TBX21: variants seen among roughly 807,000 people sequenced by gnomAD.
The protein encoded by TBX21 is T-box transcription factor 21.
In TBX21, 11 loss-of-function variants were observed where a neutral mutation model predicts 52.2. The ratio of observed to expected loss-of-function variants is 0.21; its 90% CI spans 0.13 to 0.35. The LOEUF is 0.35. Ranked by LOEUF, TBX21 falls within the 10% of genes least tolerant of loss-of-function variation. TBX21 has a pLI of 1.00. For synonymous variants in TBX21, 300 were observed against 316.1 expected, an observed-to-expected ratio of 0.95 and a Z score of 0.54; for missense variants, 625 against 755.1, an observed-to-expected ratio of 0.83 and a Z score of 2.02.
chr17:47,736,177 C>A (rs924924240), intron 1 of TBX21, among the ~76,000 whole-genome samples: 7 of 152,178 alleles, frequency 4.6e-5, no homozygotes, highest in African/African-American at 1.7e-4. Flanking sequence ...CATACACTTA[C>A]ATTTTTTTAT....
At chr17:47,741,592 ACT>A (rs2143432419) in intron 1 of TBX21, among the ~76,000 whole-genome samples, 1 of 152,228 alleles carries the variant, frequency 6.6e-6, no homozygotes, top group African/African-American at 2.4e-5. Context: ...CTGAGGGCAG[ACT>A]ATACCGCAGG....
intron 1 of TBX21, among the ~76,000 whole-genome samples, chr17:47,740,260 G>A (rs2032253762): frequency 6.6e-6 from 1 of 151,898 alleles, no homozygotes; most frequent in Admixed American, 6.5e-5. Flanking sequence ...TAAATATGGG[G>A]TTTCACTATG....
rs199516920 is a variant in TBX21 at position 47,743,064 on chromosome 17, T to C, written c.647-7T>C. 45 of 1,614,036 alleles carry C rather than the reference T, an allele frequency of 2.8e-5. No homozygotes were observed. The Admixed American group carries it at 6.2e-4, about 22-fold the overall frequency. On this transcript the variant is annotated splice_region_variant and splice_polypyrimidine_tract_variant and intron_variant, in intron 2 of 5. Coordinates refer to ENST00000177694, the MANE Select transcript of TBX21 (RefSeq NM_013351.2). ...GGCTGCATGTCAAAGAGGTGAACTG[T>C]CCACAGGAAACCGCCTGTACGTCCA...
intron 1 of TBX21, among the ~76,000 whole-genome samples, chr17:47,737,145 C>T (rs1597982876): frequency 6.6e-6 from 1 of 152,112 alleles, no homozygotes; most frequent in African/African-American, 2.4e-5. Context: ...TTGGTGTCTA[C>T]GTTTGTGTCT....
chr17:47,745,989 G>A lies in TBX21; in HGVS notation c.*623G>A, dbSNP rs964700140. The A allele has an allele frequency of 1.3e-5, 2 of 152,156 alleles. No individual in the cohort carries two copies. The highest frequency in any genetic ancestry group is 1.3e-4 in the Admixed American group (2 of 15,268). The allele number at this position is 152,156 out of a possible 1,614,324, so 9.4% of individuals were successfully genotyped here. ...GATATTGTTTGTGGTGGTTGTGTGTGGGTGTGTGTTTTTTCTTTTTCTTTC... is the reference window on the plus strand; with the variant it reads ...GATATTGTTTGTGGTGGTTGTGTGTAGGTGTGTGTTTTTTCTTTTTCTTTC... On this transcript the variant is annotated 3_prime_UTR_variant, in exon 6 of 6. Transcript: ENST00000177694.
rs963119059 is a variant in TBX21, at chr17:47,742,327, C to T, written c.492-283C>T. On this transcript the variant is annotated intron_variant, in intron 1 of 5. Transcript: ENST00000177694. This position sits in a 1 kb window ranked among gnomAD's most constrained non-coding sequence, Gnocchi z 4.4. ...GAACTCCTGACCTCAGGTGATCCGC[C>T]CGCCTTGGCCTCTCAAAGTGCTGGG... is the stretch of plus-strand genomic sequence containing the variant. 6.6e-6 allele frequency among the ~76,000 whole-genome samples: 1 copy of T among 152,170 alleles called. No individual in the cohort carries two copies. Among genetic ancestry groups the T allele is most frequent in the Non-Finnish European group, 1.5e-5 (1 of 68,032 alleles).
chr17:47,745,427 T>C lies in TBX21; in HGVS notation c.*61T>C, dbSNP rs1396382025. The stretch of plus-strand genomic sequence containing the variant: ...ATTAGGTTGGAGGACACCGACTAAT[T>C]TGGGAAACGGATGAAGGACTGAGAA... On this transcript the variant is annotated 3_prime_UTR_variant, in exon 6 of 6. Transcript: ENST00000177694. 3 of 1,521,120 alleles carry C rather than the reference T, an allele frequency of 2.0e-6. No homozygotes were observed. The highest frequency in any genetic ancestry group is 4.5e-5 in the East Asian group (2 of 44,182). The allele number at this position is 1,521,120 out of a possible 1,614,324, so 94.2% of individuals were successfully genotyped here.
Position 47,742,909 on chromosome 17 carries a change from C to A in TBX21, c.646+145C>A. The A allele has an allele frequency of 1.3e-6, 2 of 1,487,914 alleles. No homozygotes were observed. The highest frequency in any genetic ancestry group is 1.8e-6 in the Non-Finnish European group (2 of 1,116,532). 92.2% of individuals were successfully genotyped at this position (1,487,914 alleles called of 1,614,324 possible). On this transcript the variant is annotated intron_variant, in intron 2 of 5. Coordinates refer to ENST00000177694, the MANE Select transcript of TBX21 (RefSeq NM_013351.2). The surrounding 1 kb of genome is among the most constrained non-coding windows in gnomAD (Gnocchi z 4.4). ...GCCATTGCATCCCTCCTGTTTCTGG[C>A]TTCCTGCTTTGCTCTAGCCTGTCCT...
intron 1 of TBX21, among the ~76,000 whole-genome samples, chr17:47,734,592 T>TGTGTGG (rs2032184187): frequency 7.1e-6 from 1 of 140,808 alleles, no homozygotes; most frequent in Non-Finnish European, 1.6e-5. Context: ...TGTGTGTGTG[T>TGTGTGG]GTGTGTGTGT....
chr17:47,736,463 C>T (rs1251761400), intron 1 of TBX21, among the ~76,000 whole-genome samples: 1 of 152,172 alleles, frequency 6.6e-6, no homozygotes, highest in Non-Finnish European at 1.5e-5. Flanking sequence ...CTGATTGCTT[C>T]ATAAATGTGT....
In TBX21 at chr17:47,742,513, G is replaced by A; in HGVS notation, c.492-97G>A. Reference sequence around the variant, plus strand: ...GGTTCTTGTGAGTGGGAGGAAGCCGGCTACAGCACACCACTGATGCCTGGG... The same window carrying A: ...GGTTCTTGTGAGTGGGAGGAAGCCGACTACAGCACACCACTGATGCCTGGG... On this transcript the variant is annotated intron_variant, in intron 1 of 5. Transcript: ENST00000177694. The surrounding 1 kb of genome is among the most constrained non-coding windows in gnomAD (Gnocchi z 4.4). 7.1e-7 allele frequency: 1 copy of A among 1,403,766 alleles called. No homozygotes were observed. The highest frequency in any genetic ancestry group is 9.4e-7 in the Non-Finnish European group (1 of 1,059,278). The allele number at this position is 1,403,766 out of a possible 1,614,324, so 87.0% of individuals were successfully genotyped here. A position where few individuals can be genotyped will look rare whatever the true frequency, so the allele number is the denominator to read the frequency against.
Position 47,742,752 on chromosome 17 carries a change from G to A in TBX21, c.634G>A (p.Gly212Ser), listed in dbSNP as rs1229594657. The A allele has an allele frequency of 1.9e-6, 3 of 1,573,248 alleles. No homozygotes were observed. The highest frequency in any genetic ancestry group is 1.2e-5 in the South Asian group (1 of 86,030). ...GTGGGTGCAGTGTGGAAAGGCCGAG[G>A]GCAGCATGCCAGGTGCGCGCGCCCC... ...GKWVQCGKAE[G>S]SMPGNRLYVH... The change falls in exon 2 of 6, where the codon GGC becomes AGC. Residue 212 changes from glycine (G) to serine (S), a missense_variant. Coordinates refer to ENST00000177694, the MANE Select transcript of TBX21 (RefSeq NM_013351.2). This position sits in a 1 kb window ranked among gnomAD's most constrained non-coding sequence, Gnocchi z 4.4.
At chr17:47,735,407 C>A (rs1014393191) in intron 1 of TBX21, among the ~76,000 whole-genome samples, 3 of 152,158 alleles carry the variant, frequency 2.0e-5, no homozygotes, top group African/African-American at 4.8e-5. Flanking sequence ...TCTGCTCCCC[C>A]CAACCCTAGT....
At chr17:47,739,951 A>G (rs2032249834) in intron 1 of TBX21, among the ~76,000 whole-genome samples, 1 of 152,132 alleles carries the variant, frequency 6.6e-6, no homozygotes, top group Non-Finnish European at 1.5e-5. Flanking sequence ...GGGACCACAG[A>G]GCACAGCATG....
rs55690005 is a variant in TBX21 at position 47,734,554 on chromosome 17, GGTGTGTGTGTGTGT to G, written c.491+652_491+665del. On this transcript the variant is annotated intron_variant, in intron 1 of 5. Transcript: ENST00000177694. ...GGTCTTACTTTGAGATCATATGTCT[GGTGTGTGTGTGTGT>G]GTGTGTGTGTGTGTGTGTGTGTGTG... 3.5e-3 allele frequency among the ~76,000 whole-genome samples: 357 copies of G among 102,982 alleles called. 1 individual carries two copies. The highest frequency in any genetic ancestry group is 9.8e-3 in the African/African-American group (248 of 25,388). The allele number at this position is 102,982 out of a possible 152,430, so 67.6% of individuals were successfully genotyped here. A position where few individuals can be genotyped will look rare whatever the true frequency, so the allele number is the denominator to read the frequency against.
chr17:47,745,098 G>A lies in TBX21; in HGVS notation c.1340G>A (p.Trp447Ter). The part of the protein sequence containing the change: ...QYPPKMGPAS[W>*]FRPMRTLPME... ...CCTCCCAAGATGGGCCCGGCCAGCT[G>A]GTTCCGCCCTATGCGGACTCTGCCC... Residue 447 changes from tryptophan (W) to a stop codon, truncating the protein, a stop_gained, in exon 6 of 6, where the codon TGG (tryptophan) becomes TAG (stop). Coordinates refer to ENST00000177694, the MANE Select transcript of TBX21 (RefSeq NM_013351.2). LOFTEE classifies it high-confidence loss of function. 1 of 1,613,906 alleles carries A rather than the reference G, an allele frequency of 6.2e-7. No individual in the cohort carries two copies. Among genetic ancestry groups the A allele is most frequent in the Non-Finnish European group, 8.5e-7 (1 of 1,180,030 alleles).
rs1330013859 is a variant in TBX21 at position 47,745,173 on chromosome 17, G to T, written c.1415G>T (p.Gly472Val). 1.9e-6 allele frequency: 3 copies of T among 1,614,186 alleles called. No individual in the cohort carries two copies. The highest frequency in any genetic ancestry group is 3.3e-5 in the Admixed American group (2 of 60,030). ...GAGGGACGGGGACCAGAGGACCAGG[G>T]TCCCCCCTTGGTGTGGACTGAGATT... ...GSEGRGPEDQGPPLVWTEIAP... is the reference protein window; with the variant it reads ...GSEGRGPEDQVPPLVWTEIAP... The change falls in exon 6 of 6, where the codon GGT becomes GTT. Residue 472 changes from glycine (G) to valine (V), a missense_variant. Physicochemically the swap from Gly to Val is moderately radical, Grantham distance 109. Coordinates refer to ENST00000177694, the MANE Select transcript of TBX21 (RefSeq NM_013351.2).
rs2032320972 is a variant in TBX21, at chr17:47,745,318, T to G, written c.1560T>G (p.Pro520=). Residue 520 remains proline (P), a synonymous_variant, in exon 6 of 6, where the codon CCT becomes CCG. Coordinates refer to ENST00000177694, the MANE Select transcript of TBX21 (RefSeq NM_013351.2). ...CCTCCCCTGCTGGGGCCCCTTCTCC[T>G]TTTGATAAGGAAGCTGAAGGACAGT... The part of the protein sequence containing the change: ...DSSSPAGAPS[P]FDKEAEGQFY... The G allele has an allele frequency of 6.2e-7, 1 of 1,609,944 alleles. No homozygotes were observed. Among genetic ancestry groups the G allele is most frequent in the South Asian group, 1.1e-5 (1 of 90,492 alleles).
In TBX21 at chr17:47,742,583, G is replaced by C. The variant is rs776419220; in HGVS notation, c.492-27G>C. 19 of 1,581,396 alleles carry C rather than the reference G, an allele frequency of 1.2e-5. No individual in the cohort carries two copies. The South Asian group carries it at 2.1e-4, about 17-fold the overall frequency. On this transcript the variant is annotated intron_variant, in intron 1 of 5. Transcript: ENST00000177694. The surrounding 1 kb of genome is among the most constrained non-coding windows in gnomAD (Gnocchi z 4.4). ...GGCTGTCAAGCTGGAGCTGATGGGT[G>C]CTGGGGGCTTTCTCTCTTCTCTCCA... is the stretch of plus-strand genomic sequence containing the variant.
Sources: allele counts gnomAD v4.1 joint callset (sites outside exome capture counted in the v4.1 genomes callset), GRCh38; gene constraint gnomAD v4.1.1; non-coding constraint Gnocchi (gnomAD v3.1); transcripts MANE v1.5; gene names NCBI Gene and HGNC (gene_info 2026-07-23, HGNC 2026-07-21).